SRI: variants seen among roughly 807,000 people sequenced by gnomAD.
The protein encoded by SRI is sorcin.
Under a neutral mutation model 33.3 loss-of-function variants are expected in SRI, and 30 were observed. The ratio of observed to expected loss-of-function variants is 0.90; its 90% CI spans 0.67 to 1.22. SRI has a LOEUF of 1.22. Among genes scored for constraint, SRI ranks in the 50% most tolerant of loss-of-function variants. The pLI is 0.00. For synonymous variants in SRI, 75 were observed against 89.9 expected, an observed-to-expected ratio of 0.83 and a Z score of 0.94; for missense variants, 243 against 250.8, an observed-to-expected ratio of 0.97 and a Z score of 0.21.
At chr7:88,212,765 T>C (rs988924533) in intron 3 of SRI, among the ~76,000 whole-genome samples, 2 of 152,206 alleles carry the variant, frequency 1.3e-5, no homozygotes, top group Non-Finnish European at 2.9e-5. Context: ...TGAACCAGCA[T>C]CACATGGAAA....
intron 1 of SRI, among the ~76,000 whole-genome samples, chr7:88,225,063 C>A (rs1050931037): frequency 1.3e-5 from 2 of 152,172 alleles, no homozygotes; most frequent in African/African-American, 2.4e-5. Flanking sequence ...CTGGAATAGG[C>A]ATGATAAGCA....
At chr7:88,213,054 G>A (rs1215284253) in intron 3 of SRI, among the ~76,000 whole-genome samples, 3 of 152,272 alleles carry the variant, frequency 2.0e-5, no homozygotes, top group East Asian at 3.9e-4. Flanking sequence ...AAACCTGGGA[G>A]CCTCCTCAAT....
At position 88,206,081 on chromosome 7, in the gene SRI, A is replaced by G; in HGVS notation, c.*397T>C. 2 of 195,964 alleles carry G rather than the reference A, an allele frequency of 1.0e-5. No individual in the cohort carries two copies. Among genetic ancestry groups the G allele is most frequent in the Non-Finnish European group, 2.1e-5 (2 of 93,506 alleles). 12.1% of individuals were successfully genotyped at this position (195,964 alleles called of 1,614,324 possible). On this transcript the variant is annotated 3_prime_UTR_variant, in exon 8 of 8. Coordinates refer to ENST00000265729, the MANE Select transcript of SRI (RefSeq NM_003130.4). ...CCAAGTGCGTCTATGTCATTTACCTAAGTTTTTATGTGTGGAGTATTCTTT... is the reference window on the plus strand; with the variant it reads ...CCAAGTGCGTCTATGTCATTTACCTGAGTTTTTATGTGTGGAGTATTCTTT...
intron 3 of SRI, among the ~76,000 whole-genome samples, chr7:88,212,427 A>T (rs1430780479): frequency 6.6e-6 from 1 of 152,202 alleles, no homozygotes; most frequent in African/African-American, 2.4e-5. Flanking sequence ...CTGGAGCTGT[A>T]GTTCTCCACA....
chr7:88,217,028 A>G, intron 3 of SRI, 94 bp downstream of exon 3: 1 of 1,138,792 alleles, frequency 8.8e-7, no homozygotes, highest in African/African-American at 1.5e-5. Context: ...TAGATCCGAC[A>G]AGCTCAGTTT....
upstream of SRI, among the ~76,000 whole-genome samples, chr7:88,221,484 G>T (rs1343413932): frequency 2.6e-5 from 4 of 152,164 alleles, no homozygotes; most frequent in African/African-American, 4.8e-5. Context: ...TGTTTCTTCA[G>T]AAAGAGGTAA....
chr7:88,209,419 A>G lies in SRI; in HGVS notation c.431T>C (p.Ile144Thr), dbSNP rs1851514899. ...FRLSPQAVNS[I>T]AKRYSTNGKI... ...TCCATTGGTGCTGTATCGTTTTGCA[A>G]TTGAATTCACAGCCTGGGGACTCAA... The change falls in exon 6 of 8, where the codon ATT (isoleucine) becomes ACT (threonine). Residue 144 changes from isoleucine to threonine, a missense_variant. Coordinates refer to ENST00000265729, the MANE Select transcript of SRI (RefSeq NM_003130.4). 2 of 1,613,912 alleles carry G rather than the reference A, an allele frequency of 1.2e-6. No homozygotes were observed. The highest frequency in any genetic ancestry group is 1.3e-5 in the African/African-American group (1 of 74,914).
chr7:88,219,224 G>GGTGA, intron 1 of SRI: 1 of 423,262 alleles, frequency 2.4e-6, no homozygotes, highest in East Asian at 5.2e-5. Context: ...AGGTTACTGA[G>GGTGA]GTGAGTGCAA....
At position 88,208,512 on chromosome 7, in the gene SRI, C is replaced by G. The variant is rs761591213; in HGVS notation, c.565G>C (p.Asp189His). 8 of 1,613,876 alleles carry G rather than the reference C, an allele frequency of 5.0e-6. No individual in the cohort carries two copies. The South Asian group carries it at 8.8e-5, about 18-fold the overall frequency. ...TCTTAATTTCTAAGACTTACATCATCATATGGGAAATTCACAACACCTTGC... is the reference window on the plus strand; with the variant it reads ...TCTTAATTTCTAAGACTTACATCATGATATGGGAAATTCACAACACCTTGC... ...AQQGVVNFPY[D>H]DFIQCVMSV Residue 189 changes from aspartate to histidine, a missense_variant, in exon 7 of 8, where the codon GAT becomes CAT. By Grantham distance (81) the Asp-to-His change is moderately conservative (BLOSUM62 -1). Transcript: ENST00000265729.
At chr7:88,211,190 C>T (rs1338942873) in intron 3 of SRI, among the ~76,000 whole-genome samples, 3 of 152,182 alleles carry the variant, frequency 2.0e-5, no homozygotes, top group Non-Finnish European at 4.4e-5. Context: ...TGGTGGCTCA[C>T]GCCTGTAATC....
chr7:88,210,990 C>T (rs1851562736), intron 3 of SRI, 65 bp from the exon 4 acceptor site: 2 of 1,212,166 alleles, frequency 1.6e-6, no homozygotes, highest in Non-Finnish European at 1.2e-6. Flanking sequence ...ACACTGGATA[C>T]ATTCAAATTA....
At chr7:88,224,507 C>A (rs781494693), upstream of SRI, among the ~76,000 whole-genome samples, 2 of 152,184 alleles carry the variant, frequency 1.3e-5, no homozygotes, top group Non-Finnish European at 2.9e-5. Context: ...GATTTAAAGA[C>A]CTCTGCCTTA....
intron 3 of SRI, among the ~76,000 whole-genome samples, chr7:88,213,289 C>T (rs1851624828): frequency 6.6e-6 from 1 of 152,172 alleles, no homozygotes; most frequent in Admixed American, 6.5e-5. Context: ...ATCTACTGCT[C>T]TCAGGATAAA....
At chr7:88,211,196 T>G (rs2115757180) in intron 3 of SRI, among the ~76,000 whole-genome samples, 1 of 152,342 alleles carries the variant, frequency 6.6e-6, no homozygotes, top group East Asian at 1.9e-4. Context: ...CTCACGCCTG[T>G]AATCCCAGCA....
At chr7:88,218,997 C>T (rs1851808148) in intron 1 of SRI, 55 bp from the exon 2 acceptor site, 1 of 1,527,050 alleles carries the variant, frequency 6.5e-7, no homozygotes, top group Admixed American at 1.7e-5. Context: ...TTTCTTCTTT[C>T]ACCACTGAGG....
In SRI at chr7:88,210,889, A is replaced by G. The variant is rs868751440; in HGVS notation, c.242T>C (p.Met81Thr). Residue 81 changes from methionine (M) to threonine (T), a missense_variant, in exon 4 of 8, where the codon ATG becomes ACG. Met to Thr is a moderately conservative substitution (Grantham distance 81). Coordinates refer to ENST00000265729, the MANE Select transcript of SRI (RefSeq NM_003130.4). ...NLETCRLMVSMLDRDMSGTMG... is the reference protein window; with the variant it reads ...NLETCRLMVSTLDRDMSGTMG... ...AATCAAAGTAAAGGATACATCCAGC[A>G]TTGAAACCATAAGCCGGCAAGTCTC... 1 of 1,613,574 alleles carries G rather than the reference A, an allele frequency of 6.2e-7. No individual in the cohort carries two copies. The highest frequency in any genetic ancestry group is 2.2e-5 in the East Asian group (1 of 44,794).
rs1367304701 is a variant in SRI, at chr7:88,210,060, T to G, written c.320A>C (p.Gln107Pro). The G allele has an allele frequency of 6.2e-7, 1 of 1,614,208 alleles. No individual in the cohort carries two copies. Among genetic ancestry groups the G allele is most frequent in the Non-Finnish European group, 8.5e-7 (1 of 1,180,030 alleles). ...GTCAGTGTCAAAACTGATAAAGTGT[T>G]GTCTCCAGCCATTCAGTACAGCCCA... ...ELWAVLNGWRQHFISFDTDRS... is the reference protein window; with the variant it reads ...ELWAVLNGWRPHFISFDTDRS... Residue 107 changes from glutamine to proline, a missense_variant, in exon 5 of 8, where the codon CAA becomes CCA. Gln to Pro is a moderately conservative substitution (Grantham distance 76). Coordinates refer to ENST00000265729, the MANE Select transcript of SRI (RefSeq NM_003130.4).
chr7:88,213,339 T>C (rs1851626315), intron 3 of SRI, among the ~76,000 whole-genome samples: 1 of 152,192 alleles, frequency 6.6e-6, no homozygotes, highest in African/African-American at 2.4e-5. Flanking sequence ...AACACACTTA[T>C]TTTGCAAGTC....
intron 1 of SRI, 37 bp downstream of exon 1, chr7:88,219,939 G>A (rs767911924): frequency 3.1e-5 from 48 of 1,536,674 alleles, no homozygotes; most frequent in Admixed American, 3.9e-5. Context: ...GCGCCCCGGA[G>A]CCGCCTGGGC....
Sources: allele counts gnomAD v4.1 joint callset (sites outside exome capture counted in the v4.1 genomes callset), GRCh38; gene constraint gnomAD v4.1.1; transcripts MANE v1.5; gene names NCBI Gene and HGNC (gene_info 2026-07-23, HGNC 2026-07-21).